CCSER1: variants seen among roughly 807,000 people sequenced by gnomAD.
CCSER1 encodes the protein serine-rich coiled-coil domain-containing protein 1.
CCSER1 carries 41 observed loss-of-function variants against 82.0 expected under a neutral mutation model. The ratio of observed to expected loss-of-function variants is 0.50; its 90% CI spans 0.39 to 0.65. The LOEUF is 0.65. Among genes scored for constraint, CCSER1 ranks in the 30% least tolerant of loss-of-function variants. The pLI, the probability that CCSER1 is intolerant of heterozygous loss-of-function variation, is 0.00. For synonymous variants in CCSER1, 414 were observed against 383.9 expected (o/e 1.08, Z -0.92); for missense variants, 1,119 against 1,064.2 (o/e 1.05, Z -0.72).
At chr4:91,274,411 C>G (rs1409214427) in intron 10 of CCSER1, among the ~76,000 whole-genome samples, 1 of 152,116 alleles carries the variant, frequency 6.6e-6, no homozygotes, top group Non-Finnish European at 1.5e-5. Flanking sequence ...TGCTATTGAA[C>G]ATTAGGGCTT....
intron 9 of CCSER1, among the ~76,000 whole-genome samples, chr4:91,076,984 A>G (rs1238481129): frequency 7.9e-5 from 12 of 152,230 alleles, no homozygotes; most frequent in Admixed American, 4.6e-4. Context: ...AGAAATCCGC[A>G]TAGGGCCTCC....
chr4:91,232,603 C>T (rs1238489634), intron 10 of CCSER1, among the ~76,000 whole-genome samples: 1 of 151,634 alleles, frequency 6.6e-6, no homozygotes, highest in Non-Finnish European at 1.5e-5. Flanking sequence ...ACATATTTTT[C>T]ATGGTATGTA....
chr4:90,823,284 CA>C (rs1410365791), intron 8 of CCSER1, among the ~76,000 whole-genome samples: 6 of 152,004 alleles, frequency 3.9e-5, no homozygotes, highest in African/African-American at 1.2e-4. Flanking sequence ...TCAATTATCA[CA>C]TTTTTTTAAT....
At chr4:90,620,462 A>G (rs1045635812) in intron 5 of CCSER1, among the ~76,000 whole-genome samples, 5 of 152,348 alleles carry the variant, frequency 3.3e-5, no homozygotes, top group South Asian at 2.1e-4. Context: ...TGAGTATTAC[A>G]TAGAATTGTG....
At chr4:90,824,379 G>GA (rs1390376125) in intron 8 of CCSER1, among the ~76,000 whole-genome samples, 2 of 151,818 alleles carry the variant, frequency 1.3e-5, no homozygotes, top group Non-Finnish European at 1.5e-5. Flanking sequence ...GATGATTTTT[G>GA]AAAAAAATTG....
chr4:90,248,901 TG>T (rs1368008934), intron 1 of CCSER1, among the ~76,000 whole-genome samples: 1 of 152,000 alleles, frequency 6.6e-6, no homozygotes, highest in African/African-American at 2.4e-5. Context: ...GGTTTCACCA[TG>T]TTGCCCAGGC....
intron 10 of CCSER1, chr4:91,112,871 T>TAA (rs1267364556): frequency 6.6e-6 from 1 of 152,218 alleles, no homozygotes; most frequent in African/African-American, 2.4e-5. Flanking sequence ...AGATAAGGGC[T>TAA]AAACTTCATC....
intron 10 of CCSER1, among the ~76,000 whole-genome samples, chr4:91,143,279 A>G (rs1729212144): frequency 1.3e-5 from 2 of 151,184 alleles, no homozygotes; most frequent in Non-Finnish European, 3.0e-5. Flanking sequence ...TTGGCTCTCA[A>G]CTTGAACATT....
At chr4:91,350,691 TAAG>T (rs1446305958) in intron 10 of CCSER1, among the ~76,000 whole-genome samples, 1 of 152,080 alleles carries the variant, frequency 6.6e-6, no homozygotes, top group Admixed American at 6.5e-5. Flanking sequence ...GACAAATACA[TAAG>T]AATCAGTCTG....
chr4:90,778,146 A>G (rs1753196691), intron 7 of CCSER1, among the ~76,000 whole-genome samples: 1 of 152,170 alleles, frequency 6.6e-6, no homozygotes, highest in Admixed American at 6.5e-5. Context: ...CCTGTAACCA[A>G]ATAACTCAGA....
chr4:90,173,776 T>C (rs1413240868), intron 1 of CCSER1, among the ~76,000 whole-genome samples: 1 of 151,978 alleles, frequency 6.6e-6, no homozygotes, highest in East Asian at 1.9e-4. Flanking sequence ...AGAAAACATT[T>C]AAGGTCATCT....
At chr4:91,461,620 G>A (rs970808008) in intron 10 of CCSER1, among the ~76,000 whole-genome samples, 3 of 152,094 alleles carry the variant, frequency 2.0e-5, no homozygotes, top group African/African-American at 4.8e-5. Flanking sequence ...TATGGATTTC[G>A]GTGGAGCTCT....
intron 10 of CCSER1, among the ~76,000 whole-genome samples, chr4:91,184,907 A>G (rs1734381885): frequency 6.6e-6 from 1 of 152,154 alleles, no homozygotes; most frequent in Admixed American, 6.5e-5. Flanking sequence ...TTCCCCATAA[A>G]TTTATAGGTA....
intron 1 of CCSER1, among the ~76,000 whole-genome samples, chr4:90,289,206 TAAATC>T (rs148943555): frequency 0.011 from 1,634 of 152,058 alleles, 14 homozygotes; most frequent in African/African-American, 0.023. Context: ...ATATTTTTCT[TAAATC>T]AAATAAGCTA....
At chr4:90,623,197 A>AT (rs113601585) in intron 5 of CCSER1, among the ~76,000 whole-genome samples, 11,046 of 147,364 alleles carry the variant, frequency 0.075, 957 homozygotes, top group African/African-American at 0.21. Context: ...CCGGCTAATT[A>AT]TTTTTTTTTT....
chr4:90,944,308 GA>G (rs999694181), intron 9 of CCSER1, among the ~76,000 whole-genome samples: 1 of 151,432 alleles, frequency 6.6e-6, no homozygotes, highest in Non-Finnish European at 1.5e-5. Context: ...GGTTATTAAT[GA>G]AAAAAATCAA....
At chr4:90,547,546 C>T (rs17017151) in intron 5 of CCSER1, among the ~76,000 whole-genome samples, 11,864 of 151,770 alleles carry the variant, frequency 0.078, 731 homozygotes, top group East Asian at 0.37. Context: ...AACTTAAACA[C>T]GTATCATTCC....
chr4:90,687,163 A>T (rs966336833), intron 6 of CCSER1, among the ~76,000 whole-genome samples: 1 of 152,180 alleles, frequency 6.6e-6, no homozygotes, highest in Non-Finnish European at 1.5e-5. Context: ...TCACAGAAGC[A>T]CTTCAGAATT....
intron 5 of CCSER1, among the ~76,000 whole-genome samples, chr4:90,542,163 A>G (rs1213382935): frequency 6.6e-6 from 1 of 152,104 alleles, no homozygotes; most frequent in African/African-American, 2.4e-5. Context: ...TAAAAAGCAA[A>G]AAAATTTAAA....
Sources: allele counts gnomAD v4.1 joint callset (sites outside exome capture counted in the v4.1 genomes callset), GRCh38; gene constraint gnomAD v4.1.1; transcripts MANE v1.5; gene names NCBI Gene and HGNC (gene_info 2026-07-23, HGNC 2026-07-21).